Variants in FRMPD4 observed in about 807,000 individuals in gnomAD.
The protein encoded by FRMPD4 is FERM and PDZ domain containing 4.
Under a neutral mutation model 94.1 loss-of-function variants are expected in FRMPD4, and 22 were observed. That is an observed-to-expected ratio of 0.23 (90% CI 0.17 to 0.33). The LOEUF is 0.33. Among genes scored for constraint, FRMPD4 ranks in the 10% least tolerant of loss-of-function variants. The pLI is 1.00. For missense variants in FRMPD4, 1,111 were observed against 1,339.9 expected (o/e 0.83, Z 2.67); for synonymous variants, 631 against 548.6 (o/e 1.15, Z -2.10).
chrX:11,895,436 A>G (rs2053897891), intron 3 of FRMPD4, among the ~76,000 whole-genome samples: 1 of 111,365 alleles, frequency 9.0e-6, no homozygotes, highest in African/African-American at 3.3e-5. Context: ...AGGAAGAGTG[A>G]ATGATGGAGC....
chrX:12,261,505 C>G (rs984637522), intron 1 of FRMPD4, among the ~76,000 whole-genome samples: 2 of 111,363 alleles, frequency 1.8e-5, no homozygotes, highest in Non-Finnish European at 3.8e-5. Flanking sequence ...TAAGAAGAGA[C>G]TACTGGAAGC....
intron 4 of FRMPD4, among the ~76,000 whole-genome samples, chrX:12,661,524 T>C (rs1413458691): frequency 8.9e-6 from 1 of 111,987 alleles, no homozygotes; most frequent in Non-Finnish European, 1.9e-5. Flanking sequence ...CTATGGTGGC[T>C]TCATTATGCC....
rs111559147 is a variant in FRMPD4 at position 12,202,630 on chromosome X, C to T, written c.41+63618C>T. Among the ~76,000 whole-genome samples the T allele has an allele frequency of 4.4e-3, 491 of 111,735 alleles. 5 individuals carry two copies. Among genetic ancestry groups the T allele is most frequent in the African/African-American group, 0.015 (466 of 30,794 alleles). On this transcript the variant is annotated intron_variant, in intron 1 of 16. Transcript: ENST00000675598. ...CCTATACTAAATTAATTTGTGTTAC[C>T]CCAAACTCCATGTTCACCTGGTACC...
At chrX:12,378,710 C>G (rs1179658497) in intron 1 of FRMPD4, among the ~76,000 whole-genome samples, 1 of 112,022 alleles carries the variant, frequency 8.9e-6, no homozygotes, top group Non-Finnish European at 1.9e-5. Flanking sequence ...ATTTTCTTGG[C>G]CAATGGATCA....
chrX:12,181,608 G>A (rs1459449865), intron 1 of FRMPD4, among the ~76,000 whole-genome samples: 2 of 112,179 alleles, frequency 1.8e-5, no homozygotes, highest in Non-Finnish European at 3.8e-5. Context: ...AGGCATGGCT[G>A]GATCCAGAGG....
chrX:12,534,846 CT>C (rs749095757), intron 2 of FRMPD4, among the ~76,000 whole-genome samples: 26 of 112,139 alleles, frequency 2.3e-4, no homozygotes, highest in Non-Finnish European at 4.5e-4. Context: ...AGACTTTGGA[CT>C]GTGGGCTTTT....
In FRMPD4 at chrX:12,721,179, C is replaced by T; in HGVS notation, c.4610C>T (p.Thr1537Ile). ...TCTTGCCTCTATAGACCACAGATGACTCAAGCCATGCCAGAACCAAGCAGC... is the reference window on the plus strand; with the variant it reads ...TCTTGCCTCTATAGACCACAGATGATTCAAGCCATGCCAGAACCAAGCAGC... ...QVSCLYRPQM[T>I]QAMPEPSSPC... is the part of the protein sequence containing the mutation. The change falls in exon 17 of 17, where the codon ACT becomes ATT. Residue 1537 changes from threonine (T) to isoleucine (I), a missense_variant. This residue lies in a region of FRMPD4 where 551 missense variants were observed against 591.6 expected (regional missense o/e 0.93). Coordinates refer to ENST00000675598, the MANE Select transcript of FRMPD4 (RefSeq NM_001368397.1). 2.6e-6 allele frequency: 2 copies of T among 755,404 alleles called. No individual in the cohort carries two copies. The highest frequency in any genetic ancestry group is 3.1e-6 in the Non-Finnish European group (2 of 638,991). 62.3% of individuals were successfully genotyped at this position (755,404 alleles called of 1,213,427 possible). A position where few individuals can be genotyped will look rare whatever the true frequency, so the allele number is the denominator to read the frequency against.
At chrX:12,688,575 G>A (rs1327410809) in intron 7 of FRMPD4, among the ~76,000 whole-genome samples, 1 of 111,314 alleles carries the variant, frequency 9.0e-6, no homozygotes, top group Non-Finnish European at 1.9e-5. Context: ...AACAAAAATT[G>A]CCAAAATTCT....
intron 2 of FRMPD4, among the ~76,000 whole-genome samples, chrX:12,582,666 G>C (rs1432536401): frequency 9.0e-6 from 1 of 111,529 alleles, no homozygotes; most frequent in African/African-American, 3.3e-5. Flanking sequence ...CCATCTCTAA[G>C]GACAAGAAGC....
chrX:12,212,442 T>A (rs771455404), intron 1 of FRMPD4, among the ~76,000 whole-genome samples: 1 of 111,127 alleles, frequency 9.0e-6, no homozygotes, highest in East Asian at 2.9e-4. Flanking sequence ...GCATCTTGGC[T>A]CTGTAGTTAG....
intron 10 of FRMPD4, among the ~76,000 whole-genome samples, chrX:12,702,941 T>C (rs1300662017): frequency 8.9e-6 from 1 of 112,436 alleles, no homozygotes; most frequent in Non-Finnish European, 1.9e-5. Flanking sequence ...ACTCTTCCAC[T>C]CTCCTTTTTA....
chrX:11,894,651 A>T (rs746376582), intron 3 of FRMPD4, among the ~76,000 whole-genome samples: 33 of 112,102 alleles, frequency 2.9e-4, no homozygotes, highest in African/African-American at 1.0e-3. Context: ...CATAAAAAAA[A>T]TTCAGGAATC....
intron 1 of FRMPD4, among the ~76,000 whole-genome samples, chrX:12,195,664 G>A (rs750219050): frequency 1.8e-5 from 2 of 111,801 alleles, no homozygotes; most frequent in South Asian, 7.5e-4. Context: ...TGTCCCAGGT[G>A]GGAAAAACAA....
chrX:12,348,462 A>G (rs1182262613), intron 1 of FRMPD4, among the ~76,000 whole-genome samples: 3 of 110,828 alleles, frequency 2.7e-5, no homozygotes, highest in Non-Finnish European at 5.7e-5. Context: ...GGGAATTCCA[A>G]CCGTGCCCAA....
intron 2 of FRMPD4, among the ~76,000 whole-genome samples, chrX:12,578,215 C>T (rs1484199846): frequency 8.9e-6 from 1 of 112,724 alleles, no homozygotes; most frequent in Non-Finnish European, 1.9e-5. Context: ...GGTCACAATT[C>T]AGTCCACAGC....
At chrX:12,034,059 G>A (rs1349973108) in intron 3 of FRMPD4, among the ~76,000 whole-genome samples, 1 of 112,606 alleles carries the variant, frequency 8.9e-6, no homozygotes, top group Non-Finnish European at 1.9e-5. Context: ...CCTGTGGGGT[G>A]AAGAGGCCGT....
intron 16 of FRMPD4, among the ~76,000 whole-genome samples, chrX:12,719,220 T>C (rs2042170452): frequency 8.9e-6 from 1 of 112,467 alleles, no homozygotes. Context: ...ATCAGGGAGA[T>C]TGGAGGGGTT....
chrX:12,674,846 GT>G lies in FRMPD4; in HGVS notation c.423-12del. On this transcript the variant is annotated splice_polypyrimidine_tract_variant and intron_variant, in intron 4 of 16. Transcript: ENST00000675598. ...CTCAGTGCATATCATAAATATGTTT[GT>G]TTTTCTCTCTTACAGAAGCTGCAAA... The G allele has an allele frequency of 9.2e-7, 1 of 1,091,205 alleles. No homozygotes were observed. The allele number at this position is 1,091,205 out of a possible 1,213,427, so 89.9% of individuals were successfully genotyped here. A position where few individuals can be genotyped will look rare whatever the true frequency, so the allele number is the denominator to read the frequency against.
At chrX:12,532,205 C>T (rs1404069224) in intron 2 of FRMPD4, among the ~76,000 whole-genome samples, 1 of 112,328 alleles carries the variant, frequency 8.9e-6, no homozygotes, top group Non-Finnish European at 1.9e-5. Context: ...GAGGAAATCA[C>T]TTACCCTACC....
Sources: gnomAD v4.1 joint callset for allele counts (sites outside exome capture counted in the v4.1 genomes callset) on GRCh38, gnomAD v4.1.1 for gene constraint, gnomAD v4.1.1 regional missense constraint, MANE v1.5 for transcripts, NCBI Gene and HGNC (gene_info 2026-07-23, HGNC 2026-07-21) for gene names.